The following APAF1 variants were observed in gnomAD, a reference collection of about 807,000 sequenced individuals.
APAF1 encodes the protein apoptotic protease-activating factor 1.
In APAF1, 91 loss-of-function variants were observed where a neutral mutation model predicts 152.4. The observed-to-expected ratio is 0.60, with a 90% CI of 0.50 to 0.71. The LOEUF (loss-of-function observed/expected upper bound fraction) is 0.71, where lower values mean the gene tolerates loss of function less well. APAF1 is among the 30% of genes least tolerant of loss of function. The pLI is 0.00. For synonymous variants in APAF1, 484 were observed against 494.1 expected (o/e 0.98, Z 0.27); for missense variants, 1,283 against 1,472.0 (o/e 0.87, Z 2.10).
chr12:98,655,406 C>G (rs2097655666), intron 4 of APAF1, among the ~76,000 whole-genome samples: 1 of 151,456 alleles, frequency 6.6e-6, no homozygotes, highest in South Asian at 2.1e-4. Context: ...GTAGGGGCGG[C>G]CGGGCAGAGG....
At chr12:98,665,846 A>T in intron 8 of APAF1, 55 bp downstream of exon 8, 2 of 1,399,630 alleles carry the variant, frequency 1.4e-6, no homozygotes, top group Non-Finnish European at 2.0e-6. Context: ...AAGCTTTGAT[A>T]TAGTACTGAG....
At chr12:98,651,167 A>C (rs906658605) in intron 4 of APAF1, among the ~76,000 whole-genome samples, 1 of 152,216 alleles carries the variant, frequency 6.6e-6, no homozygotes, top group Non-Finnish European at 1.5e-5. Context: ...TCTCAAGTTC[A>C]GAGGACTGAG....
chr12:98,722,407 C>T, intron 22 of APAF1, among the ~76,000 whole-genome samples: 1 of 152,092 alleles, frequency 6.6e-6, no homozygotes, highest in South Asian at 2.1e-4. Flanking sequence ...ATTTGCCTTG[C>T]ATATAGGTAC....
rs186672071 is a variant in APAF1, at chr12:98,695,518, C to T, written c.2305-3890C>T. 1.2e-4 allele frequency among the ~76,000 whole-genome samples: 19 copies of T among 152,322 alleles called. No individual in the cohort carries two copies. The East Asian group carries it at 3.1e-3, about 25-fold the overall frequency. On this transcript the variant is annotated intron_variant, in intron 16 of 26. Transcript: ENST00000551964. ...GAGCTGGGACTACAGGTGTGCACCA[C>T]CATGCCTGGCTAGAAGAAATTTTAA... is the stretch of plus-strand genomic sequence containing the variant.
At chr12:98,670,551 C>G (rs922453215) in intron 10 of APAF1, among the ~76,000 whole-genome samples, 3 of 151,736 alleles carry the variant, frequency 2.0e-5, no homozygotes, top group Non-Finnish European at 2.9e-5. Context: ...CTTCTTTGGT[C>G]TTGAGTTTAA....
chr12:98,649,606 G>T lies in APAF1; in HGVS notation c.448G>T (p.Val150Phe). Residue 150 changes from valine to phenylalanine, a missense_variant, in exon 4 of 27, where the codon GTC becomes TTC. Val to Phe is a conservative substitution (Grantham distance 50, BLOSUM62 -1). Transcript: ENST00000551964. ...CAAATTGAAAGGTGAACCAGGATGG[G>T]TCACCATACATGGAATGGCAGGCTG... ...LSKLKGEPGW[V>F]TIHGMAGCGK... The T allele has an allele frequency of 6.2e-7, 1 of 1,614,018 alleles. No individual in the cohort carries two copies. Among genetic ancestry groups the T allele is most frequent in the Non-Finnish European group, 8.5e-7 (1 of 1,179,898 alleles).
At chr12:98,663,102 T>G (rs998335749) in intron 7 of APAF1, among the ~76,000 whole-genome samples, 1 of 152,220 alleles carries the variant, frequency 6.6e-6, no homozygotes, top group South Asian at 2.1e-4. Context: ...GAGAATCAGA[T>G]TTTAAAACTT....
chr12:98,660,003 C>T (rs1292048627), intron 5 of APAF1, among the ~76,000 whole-genome samples: 1 of 152,036 alleles, frequency 6.6e-6, no homozygotes, highest in Non-Finnish European at 1.5e-5. Flanking sequence ...TCCGTTATTT[C>T]TAATGGGTTA....
chr12:98,684,756 TATA>T (rs2097696227), intron 15 of APAF1, among the ~76,000 whole-genome samples: 1 of 152,170 alleles, frequency 6.6e-6, no homozygotes, highest in Non-Finnish European at 1.5e-5. Flanking sequence ...ATAAGACTGT[TATA>T]CTATTTACGA....
rs146874832 is a variant in APAF1 at position 98,679,768 on chromosome 12, A to G, written c.1921-509A>G. Among the ~76,000 whole-genome samples the G allele has an allele frequency of 6.7e-3, 1,013 of 152,330 alleles. 11 individuals carry two copies. The highest frequency in any genetic ancestry group is 0.023 in the African/African-American group (960 of 41,576). ...GTGTGCCTGGTCCAGCCACAGCCTC[A>G]CAGAGAGCCAGAGCCCATGCTGGCA... is the stretch of plus-strand genomic sequence containing the variant. On this transcript the variant is annotated intron_variant, in intron 13 of 26. Coordinates refer to ENST00000551964, the MANE Select transcript of APAF1 (RefSeq NM_181861.2).
intron 11 of APAF1, 94 bp from the exon 12 acceptor site, chr12:98,671,441 C>A: frequency 8.2e-7 from 1 of 1,221,184 alleles, no homozygotes; most frequent in South Asian, 1.2e-5. Context: ...AAGAATATTT[C>A]ATTTAAGCTT....
chr12:98,706,662 C>T (rs1442307068), intron 19 of APAF1, 52 bp downstream of exon 19: 1 of 1,606,968 alleles, frequency 6.2e-7, no homozygotes, highest in Non-Finnish European at 8.5e-7. Flanking sequence ...GTGAGCTAAA[C>T]CTCCTACAAA....
intron 4 of APAF1, among the ~76,000 whole-genome samples, chr12:98,653,682 AAAAAAAAAAATATATATATAT>A (rs2097652064): frequency 4.3e-5 from 3 of 69,408 alleles, no homozygotes; most frequent in African/African-American, 1.6e-4. Flanking sequence ...AAAAAAAAAA[AAAAAAAAAAATATATATATAT>A]ATATATATAT....
At chr12:98,710,441 GAT>G (rs2097726722) in intron 20 of APAF1, among the ~76,000 whole-genome samples, 1 of 152,118 alleles carries the variant, frequency 6.6e-6, no homozygotes, top group South Asian at 2.1e-4. Context: ...AGTGAAATGA[GAT>G]AGTGATGTCA....
intron 12 of APAF1, among the ~76,000 whole-genome samples, chr12:98,676,789 G>A (rs951116399): frequency 6.6e-5 from 10 of 152,000 alleles, no homozygotes; most frequent in Non-Finnish European, 1.2e-4. Context: ...TGGGATTACA[G>A]GCACGTGCCA....
At chr12:98,706,709 TA>T (rs11335734) in intron 19 of APAF1, 99 bp downstream of exon 19, 55,022 of 1,343,596 alleles carry the variant, frequency 0.041, 1,638 homozygotes, top group African/African-American at 0.15. Context: ...GTAAGCAGAA[TA>T]GGAAACTAGT....
At chr12:98,725,611 C>A in intron 25 of APAF1, 71 bp downstream of exon 25, 1 of 1,604,012 alleles carries the variant, frequency 6.2e-7, no homozygotes, top group Non-Finnish European at 8.5e-7. Flanking sequence ...CAGTGGGGAC[C>A]TTTGTTCACG....
At chr12:98,679,139 T>G (rs750664698) in intron 13 of APAF1, among the ~76,000 whole-genome samples, 1 of 152,172 alleles carries the variant, frequency 6.6e-6, no homozygotes, top group Non-Finnish European at 1.5e-5. Flanking sequence ...CATGGACCAG[T>G]TGGCATGTAC....
chr12:98,667,279 T>C (rs1052282195), intron 9 of APAF1, among the ~76,000 whole-genome samples: 2 of 152,018 alleles, frequency 1.3e-5, no homozygotes, highest in Admixed American at 1.3e-4. Context: ...TTATTTTTTA[T>C]TTTTTGTAAA....
Sources: gnomAD v4.1 joint callset for allele counts (sites outside exome capture counted in the v4.1 genomes callset) on GRCh38, gnomAD v4.1.1 for gene constraint, MANE v1.5 for transcripts, NCBI Gene and HGNC (gene_info 2026-07-23, HGNC 2026-07-21) for gene names.